Variants in ITGAM observed in about 807,000 individuals in gnomAD.
ITGAM encodes integrin subunit alpha M.
Under a neutral mutation model 137.5 loss-of-function variants are expected in ITGAM, and 79 were observed. The ratio of observed to expected loss-of-function variants is 0.57; its 90% CI spans 0.48 to 0.69. ITGAM has a LOEUF of 0.69. Among genes scored for constraint, ITGAM ranks in the 30% least tolerant of loss-of-function variants. The pLI is 0.00. For synonymous variants in ITGAM, 583 were observed against 592.3 expected (o/e 0.98, Z 0.23); for missense variants, 1,343 against 1,483.5 (o/e 0.91, Z 1.56).
intron 14 of ITGAM, among the ~76,000 whole-genome samples, chr16:31,310,104 CT>C (rs2080309750): frequency 6.6e-6 from 1 of 151,236 alleles, no homozygotes; most frequent in African/African-American, 2.4e-5. Context: ...GTAACCCAAC[CT>C]TTCTCTCTGG....
At chr16:31,278,548 C>T (rs2079934551) in intron 12 of ITGAM, among the ~76,000 whole-genome samples, 1 of 152,156 alleles carries the variant, frequency 6.6e-6, no homozygotes. Flanking sequence ...GGATCTGCTC[C>T]AGCCATGCCC....
intron 14 of ITGAM, among the ~76,000 whole-genome samples, chr16:31,302,476 TTTC>T (rs2080215185): frequency 8.2e-6 from 1 of 121,328 alleles, no homozygotes; most frequent in Non-Finnish European, 1.6e-5. Flanking sequence ...TCTTTCTTTC[TTTC>T]TTTCTTTTTT....
intron 21 of ITGAM, among the ~76,000 whole-genome samples, chr16:31,325,940 C>T (rs566056301): frequency 6.6e-5 from 10 of 152,146 alleles, no homozygotes; most frequent in African/African-American, 2.2e-4. Context: ...GTGGTGCACA[C>T]CTGTAGTCCC....
At chr16:31,262,197 C>T (rs763793499) in intron 2 of ITGAM, among the ~76,000 whole-genome samples, 2 of 152,166 alleles carry the variant, frequency 1.3e-5, no homozygotes, top group Non-Finnish European at 2.9e-5. Context: ...AAAACAACTC[C>T]GTCCACTTGT....
chr16:31,273,811 G>A (rs545826493), intron 8 of ITGAM: 1 of 261,096 alleles, frequency 3.8e-6, no homozygotes, highest in Non-Finnish European at 7.4e-6. Context: ...GCTGATCTTG[G>A]CCAGGCTCTC....
intron 16 of ITGAM, among the ~76,000 whole-genome samples, chr16:31,321,928 A>G (rs2144484088): frequency 6.6e-6 from 1 of 152,304 alleles, no homozygotes; most frequent in South Asian, 2.1e-4. Context: ...GAGAAAACCT[A>G]TTTGGGGAGA....
intron 14 of ITGAM, among the ~76,000 whole-genome samples, chr16:31,310,090 G>T (rs967752221): frequency 1.3e-5 from 2 of 150,980 alleles, no homozygotes; most frequent in African/African-American, 4.8e-5. Context: ...GCTTCCCTTT[G>T]TGGGTAACCC....
chr16:31,331,893 A>AAGTGTGTG lies in ITGAM; in HGVS notation c.*186_*187insAGTGTGTG. The AAGTGTGTG allele has an allele frequency of 1.8e-6, 1 of 552,470 alleles. No individual in the cohort carries two copies. Among genetic ancestry groups the AAGTGTGTG allele is most frequent in the Non-Finnish European group, 3.2e-6 (1 of 313,942 alleles). 34.2% of individuals were successfully genotyped at this position (552,470 alleles called of 1,614,324 possible). On this transcript the variant is annotated 3_prime_UTR_variant, in exon 30 of 30. Coordinates refer to ENST00000544665, the MANE Select transcript of ITGAM (RefSeq NM_000632.4). ...CAAGTGTCTGTGTGCAAGTGTGTGC[A>AAGTGTGTG]CATGTGTGCGTGTGCGTGCATGTGC...
chr16:31,329,261 G>T lies in ITGAM; in HGVS notation c.2826G>T (p.Thr942=). The part of the protein sequence containing the change: ...HGVSTKYLNF[T]ASENTSRVMQ... ...TCTCCACTAAATATCTCAACTTCACGGCCTCAGAGAATACCAGTCGGGTCA... is the reference window on the plus strand; with the variant it reads ...TCTCCACTAAATATCTCAACTTCACTGCCTCAGAGAATACCAGTCGGGTCA... The change falls in exon 24 of 30, where the codon ACG becomes ACT. Residue 942 remains threonine, a synonymous_variant. Transcript: ENST00000544665. The T allele has an allele frequency of 6.2e-7, 1 of 1,613,090 alleles. No individual in the cohort carries two copies. Among genetic ancestry groups the T allele is most frequent in the South Asian group, 1.1e-5 (1 of 90,962 alleles).
chr16:31,270,688 C>CGTGTGT lies in ITGAM; in HGVS notation c.428-259_428-254dup, dbSNP rs200125675. On this transcript the variant is annotated intron_variant, in intron 5 of 29. Coordinates refer to ENST00000544665, the MANE Select transcript of ITGAM (RefSeq NM_000632.4). ...GCCAACATGCCTGACTAATTTTTAA[C>CGTGTGT]GTGTGTGTGTGTATATATATATATA... is the stretch of plus-strand genomic sequence containing the variant. Among the ~76,000 whole-genome samples the CGTGTGT allele has an allele frequency of 4.1e-3, 125 of 30,534 alleles. 8 individuals carry two copies. Among genetic ancestry groups the CGTGTGT allele is most frequent in the African/African-American group, 0.015 (117 of 7,724 alleles). 20.0% of individuals were successfully genotyped at this position (30,534 alleles called of 152,430 possible).
At chr16:31,304,586 T>C (rs1044688086) in intron 14 of ITGAM, among the ~76,000 whole-genome samples, 3 of 152,188 alleles carry the variant, frequency 2.0e-5, no homozygotes, top group African/African-American at 7.2e-5. Context: ...ATTGTTATGG[T>C]TTCAGGTCTT....
At chr16:31,270,837 A>G in intron 5 of ITGAM, 117 bp from the exon 6 acceptor site, 1 of 390,770 alleles carries the variant, frequency 2.6e-6, no homozygotes, top group African/African-American at 2.1e-5. Context: ...TAACATCTAT[A>G]TTTTTTATAG....
At chr16:31,293,914 G>A (rs778348218) in intron 12 of ITGAM, among the ~76,000 whole-genome samples, 28 of 151,968 alleles carry the variant, frequency 1.8e-4, no homozygotes, top group Non-Finnish European at 4.0e-4. Flanking sequence ...TGATTTCTTT[G>A]AACAGTGTTT....
At chr16:31,261,007 T>C (rs1052588284) in intron 1 of ITGAM, among the ~76,000 whole-genome samples, 6 of 152,228 alleles carry the variant, frequency 3.9e-5, no homozygotes, top group East Asian at 1.9e-4. Context: ...TAAGTACTTG[T>C]ACAACATATT....
rs1216278486 is a variant in ITGAM at position 31,271,052 on chromosome 16, G to A, written c.526G>A (p.Val176Met). 2.5e-6 allele frequency: 4 copies of A among 1,579,746 alleles called. No homozygotes were observed. In the African/African-American group the frequency reaches 5.4e-5, roughly 21 times the overall value. ...GCGGATGAAGGAGTTTGTCTCAACT[G>A]TGATGGAGCAATTAAAAAAGTCCAA... ...FRRMKEFVST[V>M]MEQLKKSKTL... Residue 176 changes from valine to methionine, a missense_variant, in exon 6 of 30, where the codon GTG becomes ATG. Coordinates refer to ENST00000544665, the MANE Select transcript of ITGAM (RefSeq NM_000632.4).
intron 2 of ITGAM, among the ~76,000 whole-genome samples, chr16:31,262,198 G>A (rs1231890177): frequency 6.6e-6 from 1 of 152,072 alleles, no homozygotes; most frequent in Non-Finnish European, 1.5e-5. Context: ...AAACAACTCC[G>A]TCCACTTGTC....
At chr16:31,328,527 G>GTGCA (rs1567282398) in intron 23 of ITGAM, among the ~76,000 whole-genome samples, 2 of 151,474 alleles carry the variant, frequency 1.3e-5, no homozygotes, top group African/African-American at 4.8e-5. Context: ...GTGTGTGTGC[G>GTGCA]TGCATGGGTG....
chr16:31,302,376 T>A (rs542089500), intron 14 of ITGAM, among the ~76,000 whole-genome samples: 121 of 149,940 alleles, frequency 8.1e-4, no homozygotes, highest in African/African-American at 2.8e-3. Context: ...CTTTTTTTCT[T>A]TCTTTTCTTT....
At chr16:31,312,430 A>T (rs930722541) in intron 14 of ITGAM, among the ~76,000 whole-genome samples, 9 of 152,124 alleles carry the variant, frequency 5.9e-5, no homozygotes, top group Non-Finnish European at 1.2e-4. Flanking sequence ...TTTATTATTT[A>T]TTATTATTAT....
Sources: allele counts gnomAD v4.1 joint callset (sites outside exome capture counted in the v4.1 genomes callset), GRCh38; gene constraint gnomAD v4.1.1; transcripts MANE v1.5; gene names NCBI Gene and HGNC (gene_info 2026-07-23, HGNC 2026-07-21).